Variants in AFTPH observed in about 807,000 individuals in gnomAD.
AFTPH encodes aftiphilin.
In AFTPH, 7 loss-of-function variants were observed where a neutral mutation model predicts 72.5. The observed-to-expected ratio is 0.10, with a 90% CI of 0.05 to 0.18. The LOEUF is 0.18. Ranked by LOEUF, AFTPH falls within the 10% of genes least tolerant of loss-of-function variation. The pLI is 1.00. For missense variants in AFTPH, 979 were observed against 1,060.5 expected, an observed-to-expected ratio of 0.92 and a Z score of 1.07; for synonymous variants, 337 against 370.1, an observed-to-expected ratio of 0.91 and a Z score of 1.03.
intron 7 of AFTPH, 138 bp downstream of exon 7, chr2:64,579,684 C>CTGAACAGTA (rs1553405015): frequency 1.4e-6 from 1 of 724,956 alleles, no homozygotes; most frequent in Non-Finnish European, 2.2e-6. Flanking sequence ...GGCTTTCTTT[C>CTGAACAGTA]TGAACAGTAA....
exon 9 of AFTPH, chr2:64,591,974 T>G (rs760705803): frequency 6.2e-7 from 1 of 1,613,994 alleles, no homozygotes; most frequent in Admixed American, 1.7e-5. Context: ...CATGCCAAGG[T>G]GTTGATGTTC....
intron 1 of AFTPH, among the ~76,000 whole-genome samples, chr2:64,533,733 G>T (rs1161415621): frequency 6.6e-6 from 1 of 151,690 alleles, no homozygotes; most frequent in African/African-American, 2.4e-5. Context: ...TGCCAGTTAG[G>T]GTGGAAGTGA....
intron 7 of AFTPH, among the ~76,000 whole-genome samples, chr2:64,583,763 A>G (rs1342062291): frequency 2.0e-5 from 3 of 152,188 alleles, no homozygotes; most frequent in Non-Finnish European, 4.4e-5. Context: ...CCGTACCTTA[A>G]TGAAATACTG....
exon 9 of AFTPH, chr2:64,592,064 T>G (rs1673861693): frequency 6.3e-7 from 1 of 1,596,560 alleles, no homozygotes; most frequent in Non-Finnish European, 8.6e-7. Flanking sequence ...TTTCTATTGC[T>G]TTTCCTTTTT....
At chr2:64,538,707 G>T (rs914491444) in intron 1 of AFTPH, among the ~76,000 whole-genome samples, 1 of 152,180 alleles carries the variant, frequency 6.6e-6, no homozygotes, top group African/African-American at 2.4e-5. Flanking sequence ...ACCTGGCAAA[G>T]ACTTAATTTG....
intron 1 of AFTPH, among the ~76,000 whole-genome samples, chr2:64,528,272 T>C (rs889991598): frequency 6.6e-6 from 1 of 152,198 alleles, no homozygotes; most frequent in Non-Finnish European, 1.5e-5. Context: ...ACCATGCATG[T>C]TATCTTCTTC....
chr2:64,550,726 CACACA>C (rs1558605072), intron 1 of AFTPH, among the ~76,000 whole-genome samples: 1 of 135,668 alleles, frequency 7.4e-6, no homozygotes, highest in African/African-American at 2.9e-5. Flanking sequence ...CACACACACA[CACACA>C]ACTGGTGAAA....
chr2:64,575,385 G>T (rs977038351), intron 6 of AFTPH, among the ~76,000 whole-genome samples: 1 of 152,058 alleles, frequency 6.6e-6, no homozygotes, highest in African/African-American at 2.4e-5. Flanking sequence ...CAGCACTTTG[G>T]GATGCCAAGG....
chr2:64,531,698 G>A (rs908647450), intron 1 of AFTPH, among the ~76,000 whole-genome samples: 17 of 152,162 alleles, frequency 1.1e-4, no homozygotes, highest in Non-Finnish European at 2.4e-4. Flanking sequence ...ATACACAGCA[G>A]ATTTTAAAAA....
At chr2:64,541,460 T>G (rs1167116997) in intron 1 of AFTPH, among the ~76,000 whole-genome samples, 1 of 152,152 alleles carries the variant, frequency 6.6e-6, no homozygotes, top group Admixed American at 6.6e-5. Flanking sequence ...AAACAATTAT[T>G]TCTGTAGATT....
intron 1 of AFTPH, among the ~76,000 whole-genome samples, chr2:64,543,880 A>T (rs1335124835): frequency 6.6e-6 from 1 of 152,174 alleles, no homozygotes; most frequent in Non-Finnish European, 1.5e-5. Flanking sequence ...ACCATTTCAG[A>T]CTAGAGGTTA....
chr2:64,545,288 A>T (rs1670506604), intron 1 of AFTPH, among the ~76,000 whole-genome samples: 1 of 152,002 alleles, frequency 6.6e-6, no homozygotes, highest in Non-Finnish European at 1.5e-5. Flanking sequence ...ACTTACCATG[A>T]TACCCAGCAG....
At chr2:64,546,598 C>A (rs1670640803) in intron 1 of AFTPH, among the ~76,000 whole-genome samples, 1 of 151,616 alleles carries the variant, frequency 6.6e-6, no homozygotes, top group South Asian at 2.1e-4. Context: ...GAAACAATCA[C>A]AAACATAAAA....
intron 2 of AFTPH, among the ~76,000 whole-genome samples, chr2:64,555,529 T>G (rs948692947): frequency 6.6e-6 from 1 of 150,994 alleles, no homozygotes; most frequent in Non-Finnish European, 1.5e-5. Context: ...CCACTGCATT[T>G]CAGGCTAGGC....
chr2:64,534,605 A>G lies in AFTPH; in HGVS notation c.-33+9993A>G, dbSNP rs1475992220. On this transcript the variant is annotated intron_variant, in intron 1 of 8. Coordinates refer to ENST00000238856, the Ensembl canonical transcript of AFTPH. ...AGGGCAAGTGTTACACGTAACTAAA[A>G]AGTTCAGATTTTAATCAGATTAGCA... is the stretch of plus-strand genomic sequence containing the variant. Among the ~76,000 whole-genome samples the G allele has an allele frequency of 2.6e-5, 4 of 152,174 alleles. No individual in the cohort carries two copies. In the East Asian group the frequency reaches 5.8e-4, roughly 22 times the overall value.
chr2:64,581,894 G>A (rs938832363), intron 7 of AFTPH, among the ~76,000 whole-genome samples: 3 of 152,138 alleles, frequency 2.0e-5, no homozygotes, highest in Admixed American at 6.5e-5. Flanking sequence ...GTTAATAGTA[G>A]AAAATAATTG....
rs578256195 is a variant in AFTPH at position 64,532,891 on chromosome 2, G to T, written c.-33+8279G>T. 3.3e-5 allele frequency among the ~76,000 whole-genome samples: 5 copies of T among 152,224 alleles called. No homozygotes were observed. The South Asian group carries it at 1.0e-3, about 32-fold the overall frequency. On this transcript the variant is annotated intron_variant, in intron 1 of 8. Transcript: ENST00000238856. ...TACCTATGGGAAAATTTATTTTGTAGCCCACTTTGTGTAAAAATGAAGGCA... is the reference window on the plus strand; with the variant it reads ...TACCTATGGGAAAATTTATTTTGTATCCCACTTTGTGTAAAAATGAAGGCA...
chr2:64,532,750 G>C lies in AFTPH; in HGVS notation c.-33+8138G>C, dbSNP rs575262099. Among the ~76,000 whole-genome samples the C allele has an allele frequency of 2.6e-5, 4 of 152,254 alleles. No individual in the cohort carries two copies. The South Asian group carries it at 8.3e-4, about 32-fold the overall frequency. ...GGCTAGGCTGTAAAGATGAATCTGA[G>C]AGTCCAAGAATATGGTAATTATTAA... On this transcript the variant is annotated intron_variant, in intron 1 of 8. Coordinates refer to ENST00000238856, the Ensembl canonical transcript of AFTPH.
chr2:64,566,209 C>T (rs1044252025), intron 2 of AFTPH, among the ~76,000 whole-genome samples: 1 of 152,186 alleles, frequency 6.6e-6, no homozygotes, highest in African/African-American at 2.4e-5. Context: ...TCAAGTTTCA[C>T]AGGCCTTGGG....
Sources: allele counts gnomAD v4.1 joint callset (sites outside exome capture counted in the v4.1 genomes callset), GRCh38; gene constraint gnomAD v4.1.1; transcripts MANE v1.5; gene names NCBI Gene and HGNC (gene_info 2026-07-23, HGNC 2026-07-21).